PPP6R2: variants seen among roughly 807,000 people sequenced by gnomAD.
PPP6R2 encodes the protein protein phosphatase 6 regulatory subunit 2.
PPP6R2 carries 62 observed loss-of-function variants against 100.2 expected under a neutral mutation model. The ratio of observed to expected loss-of-function variants is 0.62; its 90% CI spans 0.50 to 0.76. The LOEUF is 0.76. Ranked by LOEUF, PPP6R2 falls within the 30% of genes least tolerant of loss-of-function variation. The probability of loss-of-function intolerance (pLI) is 0.00; values close to 1 mark genes in which losing one functional copy is unlikely to be tolerated. For synonymous variants in PPP6R2, 525 were observed against 514.7 expected (o/e 1.02, Z -0.27); for missense variants, 1,142 against 1,276.3 (o/e 0.89, Z 1.60).
intron 22 of PPP6R2, among the ~76,000 whole-genome samples, chr22:50,442,420 C>T (rs528590523): frequency 6.6e-5 from 10 of 152,358 alleles, no homozygotes; most frequent in Admixed American, 1.3e-4. Flanking sequence ...GGGCACAGCA[C>T]GGGAAACGGG....
chr22:50,441,163 CGT>C, intron 22 of PPP6R2, 137 bp downstream of exon 22: 2 of 806,206 alleles, frequency 2.5e-6, no homozygotes, highest in South Asian at 3.8e-5. Context: ...CCCATGGCCC[CGT>C]GACCCTTCAG....
chr22:50,417,931 C>T (rs1484232251), intron 6 of PPP6R2, among the ~76,000 whole-genome samples: 1 of 152,192 alleles, frequency 6.6e-6, no homozygotes, highest in Non-Finnish European at 1.5e-5. Context: ...GGTTGTTTCT[C>T]TCTTAATCAC....
intron 1 of PPP6R2, among the ~76,000 whole-genome samples, chr22:50,356,736 A>G (rs1031673485): frequency 6.6e-6 from 1 of 151,898 alleles, no homozygotes; most frequent in Non-Finnish European, 1.5e-5. Flanking sequence ...GGAGTTCGAG[A>G]CCAGCCTGAC....
At chr22:50,368,961 G>A (rs749645086) in intron 1 of PPP6R2, among the ~76,000 whole-genome samples, 3 of 152,188 alleles carry the variant, frequency 2.0e-5, no homozygotes, top group Admixed American at 6.6e-5. Flanking sequence ...TTTCTTGGCC[G>A]GGTGCAGTGG....
Position 50,356,650 on chromosome 22 carries a change from C to T in PPP6R2, c.-148+13100C>T, listed in dbSNP as rs185022200. Among the ~76,000 whole-genome samples the T allele has an allele frequency of 6.0e-4, 91 of 152,024 alleles. 1 individual carries two copies. The highest frequency in any genetic ancestry group is 5.5e-3 in the Admixed American group (84 of 15,234). ...ACTTTTTTAAGAAACTGCCAGTTTTCGGCCGGTTGTGGTGGCTCACGCCTG... is the reference window on the plus strand; with the variant it reads ...ACTTTTTTAAGAAACTGCCAGTTTTTGGCCGGTTGTGGTGGCTCACGCCTG... On this transcript the variant is annotated intron_variant, in intron 1 of 23. Coordinates refer to ENST00000612753, the MANE Select transcript of PPP6R2 (RefSeq NM_001242898.2).
At chr22:50,424,381 TCCGCGTGTGGAAGGTCC>T (rs2061744776) in intron 10 of PPP6R2, among the ~76,000 whole-genome samples, 2 of 150,396 alleles carry the variant, frequency 1.3e-5, no homozygotes, top group African/African-American at 4.9e-5. Context: ...GGAAGGTCCG[TCCGCGTGTGGAAGGTCC>T]GTCAGTGTGT....
At chr22:50,355,928 G>A (rs895916963) in intron 1 of PPP6R2, among the ~76,000 whole-genome samples, 3 of 150,374 alleles carry the variant, frequency 2.0e-5, no homozygotes, top group African/African-American at 4.9e-5. Context: ...TATTTATGGG[G>A]TACATAGTGA....
chr22:50,435,117 C>T (rs2273254), intron 13 of PPP6R2, 36 bp downstream of exon 13: 351,526 of 1,457,932 alleles, frequency 0.24, 43,391 homozygotes, highest in East Asian at 0.33. Flanking sequence ...CTGCTGGTCG[C>T]GGGCACCGGG....
At chr22:50,413,517 A>C (rs2060059711) in intron 4 of PPP6R2, among the ~76,000 whole-genome samples, 1 of 151,958 alleles carries the variant, frequency 6.6e-6, no homozygotes, top group Non-Finnish European at 1.5e-5. Context: ...CAAAACTACA[A>C]ACCTCTCATA....
chr22:50,395,792 C>G (rs926247982), intron 3 of PPP6R2, among the ~76,000 whole-genome samples: 17 of 150,294 alleles, frequency 1.1e-4, no homozygotes, highest in African/African-American at 3.9e-4. Context: ...GTTTCAGACT[C>G]CTGGGCTCAA....
chr22:50,400,173 G>A (rs1250829448), intron 3 of PPP6R2, among the ~76,000 whole-genome samples: 1 of 152,192 alleles, frequency 6.6e-6, no homozygotes, highest in Non-Finnish European at 1.5e-5. Context: ...ACTCAGGGCA[G>A]AACTGAAAGA....
chr22:50,381,079 A>G (rs1431746933), intron 2 of PPP6R2, among the ~76,000 whole-genome samples: 2 of 145,978 alleles, frequency 1.4e-5, no homozygotes, highest in Non-Finnish European at 3.0e-5. Flanking sequence ...ACGCCATTGC[A>G]CTCCAGCCTG....
At chr22:50,358,274 TTTG>T (rs1304676060) in intron 1 of PPP6R2, among the ~76,000 whole-genome samples, 1 of 152,176 alleles carries the variant, frequency 6.6e-6, no homozygotes, top group Non-Finnish European at 1.5e-5. Context: ...TTTATTTTGT[TTTG>T]TTGTTTCTTA....
chr22:50,390,102 C>T (rs539477812), intron 2 of PPP6R2, among the ~76,000 whole-genome samples: 2 of 151,494 alleles, frequency 1.3e-5, no homozygotes, highest in East Asian at 3.9e-4. Flanking sequence ...GGCGATTCTC[C>T]TGCCTCAGCC....
intron 1 of PPP6R2, among the ~76,000 whole-genome samples, chr22:50,356,445 G>A (rs897598951): frequency 1.3e-5 from 2 of 151,784 alleles, no homozygotes; most frequent in African/African-American, 2.4e-5. Context: ...TGGGACTGCA[G>A]GTACACACCA....
chr22:50,385,990 A>AT (rs2054170961), intron 2 of PPP6R2, among the ~76,000 whole-genome samples: 1 of 146,856 alleles, frequency 6.8e-6, no homozygotes, highest in Non-Finnish European at 1.5e-5. Flanking sequence ...CGCCAGGCTA[A>AT]TTTTTTGTAT....
chr22:50,436,479 G>A (rs559951882), intron 14 of PPP6R2, 27 bp downstream of exon 14: 29 of 1,561,506 alleles, frequency 1.9e-5, no homozygotes, highest in South Asian at 1.5e-4. Flanking sequence ...CTGCCCCCTC[G>A]GTGCACGCAC....
At chr22:50,417,449 G>A (rs985578717) in intron 6 of PPP6R2, among the ~76,000 whole-genome samples, 1 of 152,174 alleles carries the variant, frequency 6.6e-6, no homozygotes, top group African/African-American at 2.4e-5. Context: ...TGACAATGGG[G>A]CTCCCTGTGG....
intron 3 of PPP6R2, among the ~76,000 whole-genome samples, chr22:50,401,326 C>A (rs1304832313): frequency 1.3e-5 from 2 of 151,316 alleles, no homozygotes; most frequent in South Asian, 4.2e-4. Flanking sequence ...CCTGCCTCAG[C>A]CTCCCGTGTA....
Sources: allele counts gnomAD v4.1 joint callset (sites outside exome capture counted in the v4.1 genomes callset), GRCh38; gene constraint gnomAD v4.1.1; transcripts MANE v1.5; gene names NCBI Gene and HGNC (gene_info 2026-07-23, HGNC 2026-07-21).